The following SIPA1L1 variants were observed in gnomAD, a reference collection of about 807,000 sequenced individuals.
SIPA1L1 encodes the protein signal-induced proliferation-associated 1-like protein 1.
SIPA1L1 carries 26 observed loss-of-function variants against 162.7 expected under a neutral mutation model. The observed-to-expected ratio is 0.16, with a 90% CI of 0.12 to 0.22. The LOEUF (loss-of-function observed/expected upper bound fraction) is 0.22, where lower values mean the gene tolerates loss of function less well. Ranked by LOEUF, SIPA1L1 falls within the 10% of genes least tolerant of loss-of-function variation. SIPA1L1 has a pLI of 1.00. For missense variants in SIPA1L1, 1,874 were observed against 2,241.0 expected (o/e 0.84, Z 3.31); for synonymous variants, 829 against 837.4 (o/e 0.99, Z 0.17).
At chr14:71,330,360 G>A (rs2034375628) in intron 2 of SIPA1L1, 2 of 886,474 alleles carry the variant, frequency 2.3e-6, no homozygotes, top group African/African-American at 3.3e-5. Context: ...TCTCTTTTTG[G>A]CGATGAAAAT....
chr14:71,363,782 C>T (rs2038024632), intron 2 of SIPA1L1, among the ~76,000 whole-genome samples: 1 of 152,258 alleles, frequency 6.6e-6, no homozygotes, highest in Non-Finnish European at 1.5e-5. Context: ...CTTGAATGCA[C>T]CAGCAAAGTG....
chr14:71,438,236 T>G (rs2044557057), intron 2 of SIPA1L1, among the ~76,000 whole-genome samples: 1 of 152,214 alleles, frequency 6.6e-6, no homozygotes, highest in Admixed American at 6.5e-5. Flanking sequence ...CTCAAACTTC[T>G]TTAATCATCA....
intron 20 of SIPA1L1, among the ~76,000 whole-genome samples, chr14:71,732,983 C>T (rs1199999923): frequency 2.0e-5 from 3 of 152,178 alleles, no homozygotes; most frequent in Admixed American, 1.3e-4. Context: ...GAGGCTGAGG[C>T]AGGCGGATTA....
At chr14:71,482,978 G>T (rs1418148455) in intron 2 of SIPA1L1, among the ~76,000 whole-genome samples, 1 of 151,968 alleles carries the variant, frequency 6.6e-6, no homozygotes, top group Non-Finnish European at 1.5e-5. Flanking sequence ...AACTTGGGTG[G>T]TATTCTTCTT....
At chr14:71,420,664 C>T (rs2043123703) in intron 2 of SIPA1L1, among the ~76,000 whole-genome samples, 1 of 152,178 alleles carries the variant, frequency 6.6e-6, no homozygotes, top group African/African-American at 2.4e-5. Context: ...CCCCCATATA[C>T]TTATCATCTA....
intron 2 of SIPA1L1, among the ~76,000 whole-genome samples, chr14:71,336,496 C>G (rs949097584): frequency 6.6e-6 from 1 of 152,152 alleles, no homozygotes; most frequent in African/African-American, 2.4e-5. Flanking sequence ...CTTCTTTCAC[C>G]TAGCTCTGTC....
At chr14:71,723,293 A>G (rs982905573) in intron 17 of SIPA1L1, among the ~76,000 whole-genome samples, 3 of 152,224 alleles carry the variant, frequency 2.0e-5, no homozygotes, top group African/African-American at 4.8e-5. Flanking sequence ...AGAGGCATGG[A>G]GACGGTAGAC....
intron 7 of SIPA1L1, among the ~76,000 whole-genome samples, chr14:71,633,090 A>G (rs905518362): frequency 1.3e-5 from 2 of 150,344 alleles, no homozygotes; most frequent in Non-Finnish European, 3.0e-5. Flanking sequence ...AAATGTTTCA[A>G]TGAGCAATTA....
rs553342795 is a variant in SIPA1L1, at chr14:71,458,614, C to A, written c.-464-54129C>A. ...GAAGTGGAAGTAAAATGAATTGATT[C>A]AACTATTTAACCTGGCCTAATTCAT... is the stretch of plus-strand genomic sequence containing the variant. On this transcript the variant is annotated intron_variant, in intron 2 of 23. Transcript: ENST00000381232. Among the ~76,000 whole-genome samples the A allele has an allele frequency of 2.6e-5, 4 of 152,200 alleles. No homozygotes were observed. The East Asian group carries it at 5.8e-4, about 22-fold the overall frequency.
At chr14:71,723,108 A>G (rs776618856) in intron 17 of SIPA1L1, among the ~76,000 whole-genome samples, 6 of 152,224 alleles carry the variant, frequency 3.9e-5, no homozygotes, top group Non-Finnish European at 8.8e-5. Context: ...TACATCGACC[A>G]GCAGCTTCCA....
rs753523565 is a variant in SIPA1L1, at chr14:71,587,933, G to T, written c.61G>T (p.Val21Phe). The T allele has an allele frequency of 6.2e-7, 1 of 1,613,920 alleles. No individual in the cohort carries two copies. ...TCTTGCCACTGACAGGGCCTCTGTTGTTGGCACAGACGGCACCCCCAAAGT... is the reference window on the plus strand; with the variant it reads ...TCTTGCCACTGACAGGGCCTCTGTTTTTGGCACAGACGGCACCCCCAAAGT... Reference protein sequence around the residue: ...RPLATDRASVVGTDGTPKVHT... With the variant: ...RPLATDRASVFGTDGTPKVHT... The change falls in exon 5 of 24, where the codon GTT becomes TTT. Residue 21 changes from valine to phenylalanine, a missense_variant. Around this residue, in one of 5 missense-constraint regions of SIPA1L1, gnomAD observed 685 missense variants for 828.0 expected, o/e 0.83. Transcript: ENST00000381232.
In SIPA1L1 at chr14:71,355,418, A is replaced by C. The variant is rs1023399304; in HGVS notation, c.-465+34237A>C. 2.0e-5 allele frequency among the ~76,000 whole-genome samples: 3 copies of C among 152,334 alleles called. No individual in the cohort carries two copies. In the East Asian group the frequency reaches 5.8e-4, roughly 29 times the overall value. On this transcript the variant is annotated intron_variant, in intron 2 of 23. Coordinates refer to ENST00000381232, the MANE Select transcript of SIPA1L1 (RefSeq NM_001386936.1). ...CCTGAGGGATGGAGGAAATCAGTGAAAAGTTCACTGCTGCTTTGTGAATTA... is the reference window on the plus strand; with the variant it reads ...CCTGAGGGATGGAGGAAATCAGTGACAAGTTCACTGCTGCTTTGTGAATTA...
chr14:71,636,601 C>G (rs1373980287), intron 7 of SIPA1L1, among the ~76,000 whole-genome samples: 1 of 152,128 alleles, frequency 6.6e-6, no homozygotes, highest in African/African-American at 2.4e-5. Flanking sequence ...CAAAACATCT[C>G]AAACCAGTAA....
chr14:71,545,613 T>G (rs573343779), intron 4 of SIPA1L1, among the ~76,000 whole-genome samples: 1 of 152,256 alleles, frequency 6.6e-6, no homozygotes, highest in East Asian at 1.9e-4. Context: ...AGTTGTCATA[T>G]GTGATCATGA....
At chr14:71,503,572 C>T (rs374220733) in intron 2 of SIPA1L1, among the ~76,000 whole-genome samples, 1 of 152,128 alleles carries the variant, frequency 6.6e-6, no homozygotes, top group Admixed American at 6.5e-5. Context: ...AGGTGCTTGA[C>T]GCTGTAAATG....
intron 7 of SIPA1L1, among the ~76,000 whole-genome samples, chr14:71,645,879 GT>G (rs1287833350): frequency 1.3e-5 from 2 of 152,222 alleles, no homozygotes; most frequent in Non-Finnish European, 2.9e-5. Flanking sequence ...TTCAAGAACT[GT>G]TGCACAATGA....
intron 7 of SIPA1L1, among the ~76,000 whole-genome samples, chr14:71,628,137 T>A (rs2040217390): frequency 1.3e-5 from 2 of 152,188 alleles, no homozygotes; most frequent in South Asian, 4.1e-4. Flanking sequence ...ATAAATAATT[T>A]AAAAAACTAC....
chr14:71,544,090 T>TACAC (rs977076641), intron 4 of SIPA1L1, among the ~76,000 whole-genome samples: 3 of 149,636 alleles, frequency 2.0e-5, no homozygotes, highest in African/African-American at 7.5e-5. Context: ...TGTATGTATA[T>TACAC]ACACACGCAC....
chr14:71,453,446 G>C (rs1354981756), intron 2 of SIPA1L1, among the ~76,000 whole-genome samples: 1 of 152,068 alleles, frequency 6.6e-6, no homozygotes. Flanking sequence ...TAAATTTTTA[G>C]TAGAGACAGG....
Sources: gnomAD v4.1 joint callset for allele counts (sites outside exome capture counted in the v4.1 genomes callset) on GRCh38, gnomAD v4.1.1 for gene constraint, gnomAD v4.1.1 regional missense constraint, MANE v1.5 for transcripts, NCBI Gene and HGNC (gene_info 2026-07-23, HGNC 2026-07-21) for gene names.